RHOBTB2: variants seen among roughly 807,000 people sequenced by gnomAD.
RHOBTB2 encodes the protein Rho related BTB domain containing 2.
In RHOBTB2, 39 loss-of-function variants were observed where a neutral mutation model predicts 66.5. The observed-to-expected ratio is 0.59, with a 90% CI of 0.45 to 0.77. RHOBTB2 has a LOEUF of 0.77. RHOBTB2 is among the 30% of genes least tolerant of loss of function. The probability of loss-of-function intolerance (pLI) is 0.00; values close to 1 mark genes in which losing one functional copy is unlikely to be tolerated. For synonymous variants in RHOBTB2, 390 were observed against 395.0 expected (o/e 0.99, Z 0.15); for missense variants, 755 against 999.1 (o/e 0.76, Z 3.29).
chr8:23,006,032 C>T lies in RHOBTB2; in HGVS notation c.369C>T (p.Tyr123=). 2 of 1,614,018 alleles carry T rather than the reference C, an allele frequency of 1.2e-6. No individual in the cohort carries two copies. Among genetic ancestry groups the T allele is most frequent in the Non-Finnish European group, 1.7e-6 (2 of 1,179,978 alleles). Residue 123 remains tyrosine, a synonymous_variant, in exon 4 of 10, where the codon TAC becomes TAT. Transcript: ENST00000251822. The surrounding 1 kb of genome is among the most constrained non-coding windows in gnomAD (Gnocchi z 6.1). Reference sequence around the variant, plus strand: ...TCCACCATGTCAAGACCATGTGGTACCCAGAAATCAAGCACTTCTGCCCCC... The same window carrying T: ...TCCACCATGTCAAGACCATGTGGTATCCAGAAATCAAGCACTTCTGCCCCC... The part of the protein sequence containing the change: ...NSLHHVKTMW[Y]PEIKHFCPRA...
In RHOBTB2 at chr8:23,004,182, T is replaced by A; in HGVS notation, c.-10-243T>A. ...ATCCAGACGCACAGCTGGAGGATCG[T>A]GGGAGCAGGAAGGGGACAGGTGGCC... On this transcript the variant is annotated intron_variant, in intron 1 of 9. Coordinates refer to ENST00000251822, the MANE Select transcript of RHOBTB2 (RefSeq NM_015178.3). This position sits in a 1 kb window ranked among gnomAD's most constrained non-coding sequence, Gnocchi z 6.4. The A allele has an allele frequency of 1.8e-6, 1 of 542,594 alleles. No homozygotes were observed. The highest frequency in any genetic ancestry group is 3.3e-6 in the Non-Finnish European group (1 of 299,768). The allele number at this position is 542,594 out of a possible 1,614,324, so 33.6% of individuals were successfully genotyped here.
At chr8:22,968,370 T>A in the RHOBTB2 span, among the ~76,000 whole-genome samples, 6 of 152,090 alleles carry the variant, frequency 3.9e-5, no homozygotes, top group African/African-American at 1.2e-4. Flanking sequence ...CTTAACTTTT[T>A]AAAAAAATAT....
chr8:22,986,153 TC>T (rs1810284636), upstream of RHOBTB2, among the ~76,000 whole-genome samples: 1 of 151,514 alleles, frequency 6.6e-6, no homozygotes, highest in African/African-American at 2.4e-5. Flanking sequence ...TCTCTCTCTC[TC>T]TCTCTCTCTC....
At position 23,017,555 on chromosome 8, in the gene RHOBTB2, A is replaced by G; in HGVS notation, c.*86A>G. On this transcript the variant is annotated 3_prime_UTR_variant, in exon 10 of 10. Transcript: ENST00000251822. This position sits in a 1 kb window ranked among gnomAD's most constrained non-coding sequence, Gnocchi z 5.3. ...TCTTCCGCATCACCCCATCCACCTTACAGGGACCAGGGGGCCCACGTAACC... is the reference window on the plus strand; with the variant it reads ...TCTTCCGCATCACCCCATCCACCTTGCAGGGACCAGGGGGCCCACGTAACC... 6.6e-7 allele frequency: 1 copy of G among 1,524,394 alleles called. No individual in the cohort carries two copies. Among genetic ancestry groups the G allele is most frequent in the Non-Finnish European group, 8.8e-7 (1 of 1,131,304 alleles). The allele number at this position is 1,524,394 out of a possible 1,614,324, so 94.4% of individuals were successfully genotyped here. A position where few individuals can be genotyped will look rare whatever the true frequency, so the allele number is the denominator to read the frequency against.
chr8:22,964,188 C>T, the RHOBTB2 span, among the ~76,000 whole-genome samples: 3 of 152,008 alleles, frequency 2.0e-5, no homozygotes, highest in South Asian at 6.2e-4. Flanking sequence ...CAGGAAAGAC[C>T]CGCCACCATA....
chr8:23,007,137 A>G lies in RHOBTB2; in HGVS notation c.892A>G (p.Met298Val). 1.9e-6 allele frequency: 3 copies of G among 1,608,308 alleles called. No individual in the cohort carries two copies. Among genetic ancestry groups the G allele is most frequent in the South Asian group, 2.2e-5 (2 of 91,004 alleles). The stretch of plus-strand genomic sequence containing the variant: ...CTCCAAGTTCTATGACCTGTTCCTC[A>G]TGGACCTGAGTGAGGGGGAGCTGGG... ...SSSKFYDLFL[M>V]DLSEGELGGP... Residue 298 changes from methionine to valine, a missense_variant, in exon 5 of 10, where the codon ATG becomes GTG. Around this residue, in one of 7 missense-constraint regions of RHOBTB2, gnomAD observed 247 missense variants for 238.9 expected, o/e 1.03. Coordinates refer to ENST00000251822, the MANE Select transcript of RHOBTB2 (RefSeq NM_015178.3).
chr8:23,012,495 G>T (rs1398668982), intron 7 of RHOBTB2, among the ~76,000 whole-genome samples: 2 of 152,208 alleles, frequency 1.3e-5, no homozygotes, highest in African/African-American at 2.4e-5. Context: ...ATTGGCGATG[G>T]TTTAAGTTTT....
chr8:22,991,388 A>T (rs1810422536), intron 1 of RHOBTB2, among the ~76,000 whole-genome samples: 1 of 152,162 alleles, frequency 6.6e-6, no homozygotes, highest in African/African-American at 2.4e-5. Context: ...TCAGGAAGTG[A>T]GGAAAGGATA....
At chr8:22,976,917 T>C in the RHOBTB2 span, among the ~76,000 whole-genome samples, 1 of 152,014 alleles carries the variant, frequency 6.6e-6, no homozygotes, top group Non-Finnish European at 1.5e-5. Flanking sequence ...TGAGCCACTG[T>C]GCCTGGCCTA....
chr8:23,013,141 C>G (rs2128807279), intron 7 of RHOBTB2, among the ~76,000 whole-genome samples: 2 of 152,098 alleles, frequency 1.3e-5, no homozygotes, highest in Admixed American at 1.3e-4. Flanking sequence ...CACTGTGTTG[C>G]CTGGACTGGT....
In RHOBTB2 at chr8:22,999,979, G is replaced by A. The variant is rs1376403142; in HGVS notation, c.-137G>A. ...CGGGAGGCTGGAGCCCAGCAGCAGC[G>A]CGGCGGCGCCGGCGTCGTCCCAACT... On this transcript the variant is annotated 5_prime_UTR_variant, in exon 1 of 10. Transcript: ENST00000251822. 2 of 985,584 alleles carry A rather than the reference G, an allele frequency of 2.0e-6. No individual in the cohort carries two copies. Among genetic ancestry groups the A allele is most frequent in the Non-Finnish European group, 2.4e-6 (2 of 830,044 alleles). 61.1% of individuals were successfully genotyped at this position (985,584 alleles called of 1,614,324 possible).
upstream of RHOBTB2, chr8:22,994,684 T>C: frequency 1.4e-6 from 2 of 1,471,864 alleles, no homozygotes; most frequent in Non-Finnish European, 1.9e-6. Flanking sequence ...CAAACATTGA[T>C]TCATCCATCG....
At position 23,017,466 on chromosome 8, in the gene RHOBTB2, C is replaced by G; in HGVS notation, c.2181C>G (p.Val727=). ...CCCCATCTTCCTCCTCGGCTGTGGT[C>G]TGAGATGCTGCCACCCTCTTCTGAC... ...SSSPSSSSAV[V] Residue 727 remains valine (V), a synonymous_variant, in exon 10 of 10, where the codon GTC becomes GTG. Transcript: ENST00000251822. The surrounding 1 kb of genome is among the most constrained non-coding windows in gnomAD (Gnocchi z 5.3). 6.3e-7 allele frequency: 1 copy of G among 1,578,414 alleles called. No homozygotes were observed. Among genetic ancestry groups the G allele is most frequent in the Non-Finnish European group, 8.6e-7 (1 of 1,162,284 alleles).
chr8:22,952,343 CCATG>C, the RHOBTB2 span, among the ~76,000 whole-genome samples: 1 of 152,092 alleles, frequency 6.6e-6, no homozygotes, highest in African/African-American at 2.4e-5. Context: ...CCTCTGCATG[CCATG>C]CATGCATGCC....
At chr8:22,958,732 G>A in the RHOBTB2 span, among the ~76,000 whole-genome samples, 1 of 150,094 alleles carries the variant, frequency 6.7e-6, no homozygotes, top group Non-Finnish European at 1.5e-5. Context: ...ATGCCAGGAG[G>A]TGGAGGCTGC....
intron 9 of RHOBTB2, 70 bp downstream of exon 9, chr8:23,015,813 C>A: frequency 9.3e-7 from 1 of 1,080,354 alleles, no homozygotes. Context: ...CCCATGTAAT[C>A]CCAGGGACCC....
At chr8:22,996,741 G>T (rs1337249419), upstream of RHOBTB2, among the ~76,000 whole-genome samples, 1 of 152,062 alleles carries the variant, frequency 6.6e-6, no homozygotes, top group Non-Finnish European at 1.5e-5. Flanking sequence ...CCTGTGCTGT[G>T]AGACGCTGCT....
At chr8:23,003,408 G>A (rs891890464) in intron 1 of RHOBTB2, among the ~76,000 whole-genome samples, 1 of 152,226 alleles carries the variant, frequency 6.6e-6, no homozygotes, top group African/African-American at 2.4e-5. Context: ...CAGAAATTCA[G>A]GCTCAAATTT....
the RHOBTB2 span, among the ~76,000 whole-genome samples, chr8:22,962,197 A>G: frequency 7.0e-6 from 1 of 143,734 alleles, no homozygotes. Context: ...AAAAAAAAAA[A>G]AAAAAAAAAA....
Sources: allele counts gnomAD v4.1 joint callset (sites outside exome capture counted in the v4.1 genomes callset), GRCh38; gene constraint gnomAD v4.1.1; regional missense constraint gnomAD v4.1.1; non-coding constraint Gnocchi (gnomAD v3.1); transcripts MANE v1.5; gene names NCBI Gene and HGNC (gene_info 2026-07-23, HGNC 2026-07-21).